The following CMYA5 variants were observed in gnomAD, a reference collection of about 807,000 sequenced individuals.
The protein encoded by CMYA5 is cardiomyopathy-associated protein 5.
A neutral mutation model predicts 318.9 loss-of-function variants in CMYA5; 246 were observed. That is an observed-to-expected ratio of 0.77 (90% CI 0.70 to 0.86). The LOEUF is 0.86. Ranked by LOEUF, CMYA5 falls within the 40% of genes least tolerant of loss-of-function variation. The pLI is 0.00. For synonymous variants in CMYA5, 1,641 were observed against 1,729.5 expected (o/e 0.95, Z 1.27); for missense variants, 4,589 against 4,678.2 (o/e 0.98, Z 0.56).
intron 1 of CMYA5, among the ~76,000 whole-genome samples, chr5:79,704,295 T>C (rs1461246977): frequency 1.3e-5 from 2 of 151,430 alleles, no homozygotes; most frequent in African/African-American, 4.9e-5. Flanking sequence ...TGACAATCCA[T>C]AGGGAAAGGG....
chr5:79,752,661 T>C lies in CMYA5; in HGVS notation c.10992-15T>C. 2 of 1,561,958 alleles carry C rather than the reference T, an allele frequency of 1.3e-6. No homozygotes were observed. The highest frequency in any genetic ancestry group is 1.8e-6 in the Non-Finnish European group (2 of 1,135,888). ...AATAATTTTTTAACTTATGTAGAGCTCTATTCCCCGATAGGTTGCTTTCTG... is the reference window on the plus strand; with the variant it reads ...AATAATTTTTTAACTTATGTAGAGCCCTATTCCCCGATAGGTTGCTTTCTG... On this transcript the variant is annotated splice_polypyrimidine_tract_variant and intron_variant, in intron 5 of 12. Coordinates refer to ENST00000446378, the MANE Select transcript of CMYA5 (RefSeq NM_153610.5).
At position 79,743,897 on chromosome 5, in the gene CMYA5, T is replaced by A; in HGVS notation, c.10709T>A (p.Ile3570Lys). 1 of 1,541,312 alleles carries A rather than the reference T, an allele frequency of 6.5e-7. No individual in the cohort carries two copies. The highest frequency in any genetic ancestry group is 8.8e-7 in the Non-Finnish European group (1 of 1,140,508). ...AGGATTGAAGCCTTTGTTAGTGAGA[T>A]AGAATCCTTTTTTAATACCATTGAG... ...SLRIEAFVSEIESFFNTIEEN... is the reference protein window; with the variant it reads ...SLRIEAFVSEKESFFNTIEEN... The change falls in exon 3 of 13, where the codon ATA (isoleucine) becomes AAA (lysine). Residue 3570 changes from isoleucine to lysine, a missense_variant. Ile to Lys is a moderately radical substitution (Grantham distance 102). Coordinates refer to ENST00000446378, the MANE Select transcript of CMYA5 (RefSeq NM_153610.5).
chr5:79,724,155 T>TAA (rs34755034), intron 1 of CMYA5, among the ~76,000 whole-genome samples: 90 of 145,194 alleles, frequency 6.2e-4, no homozygotes, highest in African/African-American at 2.2e-3. Flanking sequence ...CCATCTCTGC[T>TAA]AAAAAAAAAA....
At chr5:79,797,394 A>G (rs1191109964) in intron 12 of CMYA5, among the ~76,000 whole-genome samples, 1 of 152,244 alleles carries the variant, frequency 6.6e-6, no homozygotes, top group Non-Finnish European at 1.5e-5. Flanking sequence ...TACTCTAAGG[A>G]CTTACATTTC....
intron 9 of CMYA5, among the ~76,000 whole-genome samples, chr5:79,768,044 C>G (rs1226027903): frequency 6.6e-6 from 1 of 152,086 alleles, no homozygotes; most frequent in Non-Finnish European, 1.5e-5. Context: ...ATCCCTTTGC[C>G]ATTATGTAAC....
rs1193461540 is a variant in CMYA5, at chr5:79,761,943, C to T, written c.11393C>T (p.Ala3798Val). 1 of 1,612,936 alleles carries T rather than the reference C, an allele frequency of 6.2e-7. No homozygotes were observed. Among genetic ancestry groups the T allele is most frequent in the Non-Finnish European group, 8.5e-7 (1 of 1,179,486 alleles). The change falls in exon 8 of 13, where the codon GCC becomes GTC. Residue 3798 changes from alanine (A) to valine (V), a missense_variant. Physicochemically the swap from Ala to Val is moderately conservative, Grantham distance 64. Around this residue, in one of 3 missense-constraint regions of CMYA5, gnomAD observed 2,431 missense variants for 2,495.1 expected, o/e 0.97. Transcript: ENST00000446378. Reference protein sequence around the residue: ...FTGCSLPSERAIFRTAPSTPV... With the variant: ...FTGCSLPSERVIFRTAPSTPV... ...GGATGTAGCCTGCCCAGTGAAAGGG[C>T]CATCTTTAGGACAGGTAAGGAGATG...
chr5:79,778,835 G>C lies in CMYA5; in HGVS notation c.11556-10136G>C, dbSNP rs1395998872. ...TCTGTGTGTGTGTGTGTGTGTGTGT[G>C]TATGTTTATTCACTCATGTTTTTTT... On this transcript the variant is annotated intron_variant, in intron 9 of 12. Coordinates refer to ENST00000446378, the MANE Select transcript of CMYA5 (RefSeq NM_153610.5). Among the ~76,000 whole-genome samples the C allele has an allele frequency of 1.8e-5, 2 of 113,356 alleles. 1 individual carries two copies. The highest frequency in any genetic ancestry group is 8.3e-5 in the African/African-American group (2 of 24,168). The allele number at this position is 113,356 out of a possible 152,430, so 74.4% of individuals were successfully genotyped here. A position where few individuals can be genotyped will look rare whatever the true frequency, so the allele number is the denominator to read the frequency against.
At position 79,731,213 on chromosome 5, in the gene CMYA5, C is replaced by G; in HGVS notation, c.2448C>G (p.Ile816Met). The change falls in exon 2 of 13, where the codon ATC (isoleucine) becomes ATG (methionine). Residue 816 changes from isoleucine to methionine, a missense_variant. By Grantham distance (10) the Ile-to-Met change is conservative. Around this residue, in one of 3 missense-constraint regions of CMYA5, gnomAD observed 2,132 missense variants for 2,131.3 expected, o/e 1.00. Coordinates refer to ENST00000446378, the MANE Select transcript of CMYA5 (RefSeq NM_153610.5). Reference sequence around the variant, plus strand: ...CACAGGAATCTCAAAAGAAAATAATCAATGAGGCATCCCAATTCAAACCAA... The same window carrying G: ...CACAGGAATCTCAAAAGAAAATAATGAATGAGGCATCCCAATTCAAACCAA... ...NATQESQKKI[I>M]NEASQFKPKG... is the part of the protein sequence containing the mutation. 6.2e-7 allele frequency: 1 copy of G among 1,613,962 alleles called. No homozygotes were observed. Among genetic ancestry groups the G allele is most frequent in the Middle Eastern group, 1.7e-4 (1 of 6,060 alleles).
intron 1 of CMYA5, among the ~76,000 whole-genome samples, chr5:79,728,318 C>CT (rs758781705): frequency 0.01 from 1,305 of 130,352 alleles, 9 homozygotes; most frequent in African/African-American, 0.033. Context: ...TTTTGAACAT[C>CT]TTTTTTTTTT....
chr5:79,738,931 C>T lies in CMYA5; in HGVS notation c.10166C>T (p.Thr3389Ile), dbSNP rs1580777844. ...GAGGAAGAATTTGCATCTGGTGCAA[C>T]TCATGTTCAAGAAACATCACTAGAA... ...FPEEEFASGA[T>I]HVQETSLEEP... The change falls in exon 2 of 13, where the codon ACT (threonine) becomes ATT (isoleucine). Residue 3389 changes from threonine to isoleucine, a missense_variant. Around this residue, in one of 3 missense-constraint regions of CMYA5, gnomAD observed 2,431 missense variants for 2,495.1 expected, o/e 0.97. Transcript: ENST00000446378. The T allele has an allele frequency of 2.5e-6, 4 of 1,613,932 alleles. No individual in the cohort carries two copies. In the East Asian group the frequency reaches 8.9e-5, roughly 36 times the overall value.
chr5:79,794,914 T>A (rs1829248584), intron 12 of CMYA5, among the ~76,000 whole-genome samples: 1 of 152,152 alleles, frequency 6.6e-6, no homozygotes. Context: ...TTCAGTGCTG[T>A]GCAATGCATA....
rs770706921 is a variant in CMYA5, at chr5:79,738,090, G to A, written c.9325G>A (p.Val3109Met). The A allele has an allele frequency of 3.1e-6, 5 of 1,613,476 alleles. No individual in the cohort carries two copies. The highest frequency in any genetic ancestry group is 4.2e-6 in the Non-Finnish European group (5 of 1,179,762). ...ESALEHEYDL[V>M]KLDESFYGPE... Reference sequence around the variant, plus strand: ...TGCACTAGAACATGAATATGACTTGGTGAAATTAGATGAAAGTTTTTATGG... The same window carrying A: ...TGCACTAGAACATGAATATGACTTGATGAAATTAGATGAAAGTTTTTATGG... Residue 3109 changes from valine (V) to methionine (M), a missense_variant, in exon 2 of 13, where the codon GTG becomes ATG. Transcript: ENST00000446378.
chr5:79,723,459 A>AG (rs1827685703), intron 1 of CMYA5, among the ~76,000 whole-genome samples: 1 of 147,116 alleles, frequency 6.8e-6, no homozygotes, highest in African/African-American at 2.5e-5. Flanking sequence ...AAAAAAAAAA[A>AG]GAAAAGAAAA....
In CMYA5 at chr5:79,738,135, A is replaced by G. The variant is rs1828124155; in HGVS notation, c.9370A>G (p.Ile3124Val). ...TTATGGACCAGAAAAGGGCCACAAC[A>G]TATTATCTCATCCAGAGACCCAAAG... ...SFYGPEKGHNILSHPETQSQN... is the reference protein window; with the variant it reads ...SFYGPEKGHNVLSHPETQSQN... The change falls in exon 2 of 13, where the codon ATA (isoleucine) becomes GTA (valine). Residue 3124 changes from isoleucine to valine, a missense_variant. Physicochemically the swap from Ile to Val is conservative, Grantham distance 29. Coordinates refer to ENST00000446378, the MANE Select transcript of CMYA5 (RefSeq NM_153610.5). The G allele has an allele frequency of 6.2e-7, 1 of 1,613,860 alleles. No homozygotes were observed. Among genetic ancestry groups the G allele is most frequent in the Non-Finnish European group, 8.5e-7 (1 of 1,179,838 alleles).
In CMYA5 at chr5:79,715,765, C is replaced by A. The variant is rs766526035; in HGVS notation, c.150-13150C>A. ...TTCCTTTAAGAATACCAACTTTTAT[C>A]TTTTTTGCATAATCTGGTTCAAATT... is the stretch of plus-strand genomic sequence containing the variant. On this transcript the variant is annotated intron_variant, in intron 1 of 12. Transcript: ENST00000446378. Among the ~76,000 whole-genome samples, 260 of 152,286 alleles carry A rather than the reference C, an allele frequency of 1.7e-3. 1 individual carries two copies. The highest frequency in any genetic ancestry group is 3.2e-3 in the Non-Finnish European group (216 of 68,012).
chr5:79,767,562 C>T (rs1043823882), intron 9 of CMYA5, among the ~76,000 whole-genome samples: 1 of 152,064 alleles, frequency 6.6e-6, no homozygotes, highest in African/African-American at 2.4e-5. Flanking sequence ...CATTATTTAC[C>T]CAGTAGTCAT....
chr5:79,713,132 A>C (rs1167449722), intron 1 of CMYA5, among the ~76,000 whole-genome samples: 1 of 151,726 alleles, frequency 6.6e-6, no homozygotes. Flanking sequence ...GTCTTTTCTC[A>C]CTCTTGAGTC....
intron 9 of CMYA5, among the ~76,000 whole-genome samples, chr5:79,787,692 C>T (rs1829104970): frequency 6.6e-6 from 1 of 152,196 alleles, no homozygotes; most frequent in Non-Finnish European, 1.5e-5. Context: ...ACAGCAGTTA[C>T]ACAAGCAGGT....
At chr5:79,707,104 G>C (rs956507787) in intron 1 of CMYA5, among the ~76,000 whole-genome samples, 1 of 152,106 alleles carries the variant, frequency 6.6e-6, no homozygotes, top group East Asian at 1.9e-4. Context: ...GGTGTGGCTT[G>C]TTGGAAAATG....
Sources: allele counts gnomAD v4.1 joint callset (sites outside exome capture counted in the v4.1 genomes callset), GRCh38; gene constraint gnomAD v4.1.1; regional missense constraint gnomAD v4.1.1; transcripts MANE v1.5; gene names NCBI Gene and HGNC (gene_info 2026-07-23, HGNC 2026-07-21).